Variants in RGS7 observed in about 807,000 individuals in gnomAD.
RGS7 encodes the protein regulator of G protein signaling 7.
Under a neutral mutation model 81.1 loss-of-function variants are expected in RGS7, and 27 were observed. That is an observed-to-expected ratio of 0.33 (90% confidence interval 0.25 to 0.46). The LOEUF (loss-of-function observed/expected upper bound fraction) is 0.46. Among genes scored for constraint, RGS7 ranks in the 20% least tolerant of loss-of-function variants. The pLI is 1.00. For missense variants in RGS7, 396 were observed against 607.4 expected, an observed-to-expected ratio of 0.65 and a Z score of 3.66; for synonymous variants, 208 against 207.7, an observed-to-expected ratio of 1.00 and a Z score of -0.01.
At chr1:241,291,294 G>A (rs1372688313) in intron 2 of RGS7, among the ~76,000 whole-genome samples, 1 of 151,692 alleles carries the variant, frequency 6.6e-6, no homozygotes, top group Non-Finnish European at 1.5e-5. Context: ...CCTTGTCAAT[G>A]TGTGGTTTTT....
intron 4 of RGS7, among the ~76,000 whole-genome samples, chr1:240,982,820 C>A (rs1685121743): frequency 6.6e-6 from 1 of 152,046 alleles, no homozygotes; most frequent in Admixed American, 6.6e-5. Context: ...ACAGCTGATC[C>A]AGTCTAACGA....
chr1:240,955,571 A>G (rs1571976009), intron 4 of RGS7, among the ~76,000 whole-genome samples: 1 of 23,498 alleles, frequency 4.3e-5, no homozygotes, highest in African/African-American at 1.3e-4. Flanking sequence ...AAAAAAAAAA[A>G]AAAAAAAAAA....
At chr1:240,883,331 A>G (rs1666755172) in intron 6 of RGS7, among the ~76,000 whole-genome samples, 1 of 152,126 alleles carries the variant, frequency 6.6e-6, no homozygotes, top group Admixed American at 6.5e-5. Flanking sequence ...AAAGTATAAT[A>G]ATAATAAAAA....
chr1:241,145,749 A>C (rs1006477581), intron 2 of RGS7, among the ~76,000 whole-genome samples: 5 of 152,198 alleles, frequency 3.3e-5, no homozygotes, highest in African/African-American at 1.2e-4. Context: ...GTCCAAAATA[A>C]ACAAACAAAT....
chr1:241,013,977 A>T (rs772490858), intron 3 of RGS7, among the ~76,000 whole-genome samples: 11 of 152,236 alleles, frequency 7.2e-5, no homozygotes, highest in Admixed American at 1.3e-4. Flanking sequence ...GTAAAATTCC[A>T]AGGAGCAGAA....
chr1:241,093,053 T>A (rs1251440035), intron 3 of RGS7, among the ~76,000 whole-genome samples: 3 of 151,432 alleles, frequency 2.0e-5, no homozygotes, highest in Non-Finnish European at 4.4e-5. Flanking sequence ...AAAGACACAA[T>A]TTTTTAGTAG....
At chr1:241,305,873 G>C (rs975482928) in intron 2 of RGS7, 14 of 291,454 alleles carry the variant, frequency 4.8e-5, no homozygotes, top group African/African-American at 1.1e-4. Flanking sequence ...CACGGCCATG[G>C]GGTAGTGCAG....
At chr1:241,102,246 AAC>A (rs558304284) in intron 2 of RGS7, among the ~76,000 whole-genome samples, 395 of 115,262 alleles carry the variant, frequency 3.4e-3, no homozygotes, top group African/African-American at 0.024. Context: ...ACATAAAAAA[AAC>A]CCCTGCTTTC....
chr1:241,345,062 G>T (rs1329435205), intron 2 of RGS7, among the ~76,000 whole-genome samples: 1 of 152,174 alleles, frequency 6.6e-6, no homozygotes, highest in Non-Finnish European at 1.5e-5. Context: ...CCACAACAAA[G>T]AACAAGATCA....
intron 2 of RGS7, among the ~76,000 whole-genome samples, chr1:241,276,208 G>C (rs1173525635): frequency 6.6e-6 from 1 of 152,178 alleles, no homozygotes; most frequent in African/African-American, 2.4e-5. Flanking sequence ...GACTTTAGGA[G>C]ATCAGCTCAG....
chr1:241,071,884 A>AAAAAAAAAAAAAAAAAAAC (rs2062482522), intron 3 of RGS7, among the ~76,000 whole-genome samples: 1 of 147,720 alleles, frequency 6.8e-6, no homozygotes, highest in South Asian at 2.3e-4. Flanking sequence ...CAAAAAAAAA[A>AAAAAAAAAAAAAAAAAAAC]AAAAAAAAAA....
At chr1:241,184,762 CA>C (rs113854455) in intron 2 of RGS7, among the ~76,000 whole-genome samples, 31 of 149,688 alleles carry the variant, frequency 2.1e-4, no homozygotes, top group South Asian at 8.5e-4. Context: ...TTCCAAAATC[CA>C]AAAAAAAACC....
chr1:240,795,544 C>G (rs1168184734), intron 18 of RGS7, among the ~76,000 whole-genome samples: 1 of 152,106 alleles, frequency 6.6e-6, no homozygotes, highest in African/African-American at 2.4e-5. Flanking sequence ...ATTTACATTC[C>G]ATTTAACCAA....
intron 2 of RGS7, among the ~76,000 whole-genome samples, chr1:241,123,639 T>C (rs1021822517): frequency 6.6e-6 from 1 of 152,110 alleles, no homozygotes; most frequent in Non-Finnish European, 1.5e-5. Context: ...TAATCACAGC[T>C]ACTCGGGAGG....
chr1:240,890,166 T>G (rs1668050555), intron 6 of RGS7, among the ~76,000 whole-genome samples: 1 of 152,202 alleles, frequency 6.6e-6, no homozygotes, highest in African/African-American at 2.4e-5. Context: ...CCCTTCTTTT[T>G]TTTTTGAGAC....
intron 2 of RGS7, among the ~76,000 whole-genome samples, chr1:241,143,008 G>C (rs368836437): frequency 9.9e-5 from 15 of 152,238 alleles, no homozygotes; most frequent in East Asian, 5.8e-4. Flanking sequence ...TCAGGCAGGA[G>C]CAAAATGCTG....
intron 2 of RGS7, among the ~76,000 whole-genome samples, chr1:241,295,516 G>A (rs72760576): frequency 0.14 from 21,725 of 152,094 alleles, 2,034 homozygotes; most frequent in Middle Eastern, 0.22. Flanking sequence ...GGAGTCTGAG[G>A]ATAAGAGCCT....
chr1:241,237,603 A>C (rs1377193981), intron 2 of RGS7, among the ~76,000 whole-genome samples: 1 of 152,190 alleles, frequency 6.6e-6, no homozygotes, highest in Non-Finnish European at 1.5e-5. Context: ...TGAAGGACTT[A>C]ATTTTTAAAA....
chr1:241,281,220 A>T (rs1333503316), intron 2 of RGS7, among the ~76,000 whole-genome samples: 1 of 152,222 alleles, frequency 6.6e-6, no homozygotes. Flanking sequence ...CACCATTTTC[A>T]GTCAAAAGAA....
Sources: allele counts gnomAD v4.1 joint callset (sites outside exome capture counted in the v4.1 genomes callset), GRCh38; gene constraint gnomAD v4.1.1; transcripts MANE v1.5; gene names NCBI Gene and HGNC (gene_info 2026-07-23, HGNC 2026-07-21).